The following KCNQ3 variants were observed in gnomAD, a reference collection of about 807,000 sequenced individuals.
KCNQ3 encodes potassium voltage-gated channel subfamily KQT member 3.
A neutral mutation model predicts 92.5 loss-of-function variants in KCNQ3; 30 were observed. The observed-to-expected ratio is 0.32, with a 90% CI of 0.24 to 0.44. The LOEUF (loss-of-function observed/expected upper bound fraction) is 0.44, where lower values mean the gene tolerates loss of function less well. KCNQ3 is among the 20% of genes least tolerant of loss of function. The pLI, the probability that KCNQ3 is intolerant of heterozygous loss-of-function variation, is 1.00. For synonymous variants in KCNQ3, 450 were observed against 468.8 expected, an observed-to-expected ratio of 0.96 and a Z score of 0.52; for missense variants, 913 against 1,140.3, an observed-to-expected ratio of 0.80 and a Z score of 2.87.
intron 1 of KCNQ3, among the ~76,000 whole-genome samples, chr8:132,363,825 A>G (rs1309040967): frequency 1.3e-5 from 2 of 151,048 alleles, no homozygotes; most frequent in Non-Finnish European, 2.9e-5. Flanking sequence ...TCTCTTTCAT[A>G]CTTTCTGAGT....
chr8:132,430,461 A>G (rs1363779890), intron 1 of KCNQ3, among the ~76,000 whole-genome samples: 1 of 152,210 alleles, frequency 6.6e-6, no homozygotes, highest in East Asian at 1.9e-4. Context: ...TGTCCCACCA[A>G]CCTGCTACAT....
rs943136686 is a variant in KCNQ3 at position 132,219,180 on chromosome 8, T to G, written c.387-32999A>C. Among the ~76,000 whole-genome samples, 8 of 152,168 alleles carry G rather than the reference T, an allele frequency of 5.3e-5. No individual in the cohort carries two copies. In the East Asian group the frequency reaches 1.5e-3, roughly 29 times the overall value. On this transcript the variant is annotated intron_variant, in intron 1 of 14. Coordinates refer to ENST00000388996, the MANE Select transcript of KCNQ3 (RefSeq NM_004519.4). ...CACTGACAGTTTTCTGGAACTCCAG[T>G]GTGCACTGGAATCCTTGGGGACCTT... is the stretch of plus-strand genomic sequence containing the variant.
At chr8:132,288,593 T>C (rs1038989510) in intron 1 of KCNQ3, among the ~76,000 whole-genome samples, 3 of 152,192 alleles carry the variant, frequency 2.0e-5, no homozygotes, top group Non-Finnish European at 1.5e-5. Flanking sequence ...TATTTCTCTA[T>C]AGCTTTCTGA....
intron 1 of KCNQ3, among the ~76,000 whole-genome samples, chr8:132,222,098 G>C (rs1004404024): frequency 6.6e-6 from 1 of 152,174 alleles, no homozygotes; most frequent in African/African-American, 2.4e-5. Context: ...CTTCTGCACA[G>C]CAAAAGAAAC....
chr8:132,147,593 TAGAG>T (rs1222870089), intron 9 of KCNQ3, among the ~76,000 whole-genome samples: 2 of 152,164 alleles, frequency 1.3e-5, no homozygotes, highest in South Asian at 2.1e-4. Context: ...GAATGGATGA[TAGAG>T]AGATGAATGG....
At chr8:132,146,958 G>A (rs888735427) in intron 9 of KCNQ3, among the ~76,000 whole-genome samples, 1 of 152,138 alleles carries the variant, frequency 6.6e-6, no homozygotes, top group Non-Finnish European at 1.5e-5. Flanking sequence ...GCCCCTGGCC[G>A]AGATCTGTAC....
intron 1 of KCNQ3, among the ~76,000 whole-genome samples, chr8:132,268,775 AG>A (rs1255499551): frequency 6.6e-6 from 1 of 152,314 alleles, no homozygotes; most frequent in East Asian, 1.9e-4. Flanking sequence ...TCATATGCTA[AG>A]AATATGTTTC....
chr8:132,480,541 C>T lies in KCNQ3; in HGVS notation c.-9G>A, dbSNP rs756114091. The T allele has an allele frequency of 8.0e-7, 1 of 1,251,112 alleles. No homozygotes were observed. The highest frequency in any genetic ancestry group is 1.6e-5 in the South Asian group (1 of 62,912). 77.5% of individuals were successfully genotyped at this position (1,251,112 alleles called of 1,614,324 possible). On this transcript the variant is annotated 5_prime_UTR_variant, in exon 1 of 15. Transcript: ENST00000388996. ...CGCGCCTTGAGCCCCATCTGCCTCG[C>T]CCCCGCCGGCCGCTTCGCCTTCTCC... is the stretch of plus-strand genomic sequence containing the variant.
chr8:132,229,439 A>G (rs1299136155), intron 1 of KCNQ3, among the ~76,000 whole-genome samples: 1 of 152,120 alleles, frequency 6.6e-6, no homozygotes, highest in Non-Finnish European at 1.5e-5. Flanking sequence ...TCACAACTCC[A>G]GTAAGGAGAA....
intron 1 of KCNQ3, among the ~76,000 whole-genome samples, chr8:132,242,902 A>G (rs1421512231): frequency 1.3e-5 from 2 of 152,222 alleles, no homozygotes. Context: ...TAAATCTCTG[A>G]GAGAATAAGG....
At chr8:132,457,981 G>T (rs1231667862) in intron 1 of KCNQ3, among the ~76,000 whole-genome samples, 1 of 152,162 alleles carries the variant, frequency 6.6e-6, no homozygotes, top group Non-Finnish European at 1.5e-5. Context: ...TCATGAGCAT[G>T]TCCACCTCCT....
chr8:132,396,155 G>A (rs1820186932), intron 1 of KCNQ3, among the ~76,000 whole-genome samples: 2 of 152,190 alleles, frequency 1.3e-5, no homozygotes, highest in African/African-American at 4.8e-5. Flanking sequence ...GACCCAGGCA[G>A]TGGCCTGGGT....
At position 132,277,886 on chromosome 8, in the gene KCNQ3, T is replaced by TC. The variant is rs1381477107; in HGVS notation, c.387-91706dup. 3.6e-5 allele frequency: 33 copies of TC among 918,030 alleles called. No individual in the cohort carries two copies. In the South Asian group the frequency reaches 1.4e-3, roughly 39 times the overall value. 56.9% of individuals were successfully genotyped at this position (918,030 alleles called of 1,614,324 possible). ...AGGTTTTTTCTTCTTTTTATAATGA[T>TC]CCCCCTGTCTCTGCTTCCTGCTCCT... On this transcript the variant is annotated intron_variant, in intron 1 of 14. Transcript: ENST00000388996.
rs148852020 is a variant in KCNQ3 at position 132,399,153 on chromosome 8, T to G, written c.386+80994A>C. 3.3e-4 allele frequency among the ~76,000 whole-genome samples: 51 copies of G among 152,346 alleles called. 1 individual carries two copies. Among genetic ancestry groups the G allele is most frequent in the Middle Eastern group, 3.4e-3 (1 of 294 alleles). On this transcript the variant is annotated intron_variant, in intron 1 of 14. Coordinates refer to ENST00000388996, the MANE Select transcript of KCNQ3 (RefSeq NM_004519.4). ...AATTTATTCAGAAGACAGGTCTCTA[T>G]AGGCAGTAGAATCAACTTGTTTTGC...
chr8:132,411,121 G>A (rs1260715832), intron 1 of KCNQ3, among the ~76,000 whole-genome samples: 2 of 152,218 alleles, frequency 1.3e-5, no homozygotes, highest in African/African-American at 2.4e-5. Context: ...AACCCATTGT[G>A]AGAACCAAAC....
intron 1 of KCNQ3, among the ~76,000 whole-genome samples, chr8:132,261,913 C>T (rs557824496): frequency 2.0e-5 from 3 of 152,222 alleles, no homozygotes; most frequent in South Asian, 4.2e-4. Context: ...CACAAATGCT[C>T]ATAACAGCAT....
At chr8:132,214,474 G>T (rs1813962374) in intron 1 of KCNQ3, among the ~76,000 whole-genome samples, 1 of 152,132 alleles carries the variant, frequency 6.6e-6, no homozygotes, top group South Asian at 2.1e-4. Flanking sequence ...TAGAAAAAAG[G>T]TTGGTGGCGT....
At chr8:132,388,612 GA>G (rs986083141) in intron 1 of KCNQ3, among the ~76,000 whole-genome samples, 16 of 151,470 alleles carry the variant, frequency 1.1e-4, no homozygotes, top group Non-Finnish European at 5.9e-5. Flanking sequence ...ATTACAAAAA[GA>G]AAAAAAAGAT....
intron 1 of KCNQ3, among the ~76,000 whole-genome samples, chr8:132,217,828 A>C (rs1159297868): frequency 6.6e-6 from 1 of 152,178 alleles, no homozygotes; most frequent in Non-Finnish European, 1.5e-5. Flanking sequence ...TAGCTAACAA[A>C]GAGCTGCCAA....
Sources: allele counts gnomAD v4.1 joint callset (sites outside exome capture counted in the v4.1 genomes callset), GRCh38; gene constraint gnomAD v4.1.1; transcripts MANE v1.5; gene names NCBI Gene and HGNC (gene_info 2026-07-23, HGNC 2026-07-21).